The following AMOTL1 variants were observed in gnomAD, a reference collection of about 807,000 sequenced individuals.
The protein encoded by AMOTL1 is angiomotin-like protein 1.
Under a neutral mutation model 102.9 loss-of-function variants are expected in AMOTL1, and 45 were observed. The ratio of observed to expected loss-of-function variants is 0.44; its 90% CI spans 0.34 to 0.56. The LOEUF is 0.56. Among genes scored for constraint, AMOTL1 ranks in the 20% least tolerant of loss-of-function variants. AMOTL1 has a pLI of 0.01. For synonymous variants in AMOTL1, 481 were observed against 484.7 expected (o/e 0.99, Z 0.10); for missense variants, 1,114 against 1,225.6 (o/e 0.91, Z 1.36).
intron 3 of AMOTL1, among the ~76,000 whole-genome samples, chr11:94,743,612 C>A (rs1487385772): frequency 1.2e-4 from 17 of 144,580 alleles, no homozygotes; most frequent in Non-Finnish European, 4.5e-5. Context: ...AGAAGCAGAG[C>A]AAAGTTAAAA....
intron 6 of AMOTL1, among the ~76,000 whole-genome samples, chr11:94,839,547 G>T (rs565819245): frequency 5.3e-5 from 8 of 152,274 alleles, no homozygotes; most frequent in African/African-American, 1.9e-4. Flanking sequence ...CATCTCCTAC[G>T]TACCAGGTGA....
upstream of AMOTL1, among the ~76,000 whole-genome samples, chr11:94,763,570 G>C (rs1950820795): frequency 6.6e-6 from 1 of 152,132 alleles, no homozygotes; most frequent in Admixed American, 6.5e-5. Context: ...ACTGCTAATA[G>C]CCTACTGTTG....
At position 94,874,895 on chromosome 11, in the gene AMOTL1, A is replaced by G. The variant is rs1444513123; in HGVS notation, c.*4100A>G. On this transcript the variant is annotated 3_prime_UTR_variant, in exon 13 of 13. Transcript: ENST00000433060. ...GTGTTTTTCAAAACCAGGGTTCAAA[A>G]CCAGTGTCCACGCTGGAGTAAGTGG... The G allele has an allele frequency of 6.6e-6, 1 of 152,104 alleles. No homozygotes were observed. Among genetic ancestry groups the G allele is most frequent in the Non-Finnish European group, 1.5e-5 (1 of 67,994 alleles). The allele number at this position is 152,104 out of a possible 1,614,324, so 9.4% of individuals were successfully genotyped here.
intron 4 of AMOTL1, among the ~76,000 whole-genome samples, chr11:94,824,748 T>C (rs577562513): frequency 6.6e-6 from 1 of 152,344 alleles, no homozygotes; most frequent in East Asian, 1.9e-4. Flanking sequence ...ATGTGACCCC[T>C]GTTTTGCTGT....
At chr11:94,718,778 T>C (rs1452895244) in intron 1 of AMOTL1, among the ~76,000 whole-genome samples, 3 of 151,982 alleles carry the variant, frequency 2.0e-5, no homozygotes, top group Non-Finnish European at 4.4e-5. Context: ...TAGAAACATT[T>C]TTCAATATGG....
chr11:94,736,005 C>A (rs1254506587), intron 2 of AMOTL1, among the ~76,000 whole-genome samples: 1 of 152,134 alleles, frequency 6.6e-6, no homozygotes, highest in Non-Finnish European at 1.5e-5. Context: ...CATTAGACAC[C>A]AGGCCCCTGT....
At chr11:94,805,593 C>T (rs982410044) in intron 3 of AMOTL1, among the ~76,000 whole-genome samples, 14 of 152,228 alleles carry the variant, frequency 9.2e-5, no homozygotes, top group African/African-American at 3.1e-4. Flanking sequence ...GGCTCTGTTT[C>T]TACTCTCTCA....
chr11:94,707,762 C>T (rs1949954358), intron 1 of AMOTL1, among the ~76,000 whole-genome samples: 1 of 152,154 alleles, frequency 6.6e-6, no homozygotes, highest in African/African-American at 2.4e-5. Flanking sequence ...TTCTGGATTT[C>T]ACCCTAAACA....
chr11:94,798,046 C>G (rs1029126339), intron 2 of AMOTL1, among the ~76,000 whole-genome samples: 1 of 152,104 alleles, frequency 6.6e-6, no homozygotes, highest in African/African-American at 2.4e-5. Flanking sequence ...GATAAGGAGG[C>G]TGTTGGAATG....
At chr11:94,783,916 T>A (rs1431695572) in intron 1 of AMOTL1, among the ~76,000 whole-genome samples, 1 of 152,108 alleles carries the variant, frequency 6.6e-6, no homozygotes, top group Non-Finnish European at 1.5e-5. Context: ...CTATCACATG[T>A]ATCTGTTTTG....
intron 11 of AMOTL1, 41 bp from the exon 12 acceptor site, chr11:94,869,157 A>G: frequency 4.0e-6 from 6 of 1,510,400 alleles, no homozygotes; most frequent in Non-Finnish European, 3.5e-6. Context: ...AAAAAAAAAA[A>G]GGAAAAAAAG....
intron 3 of AMOTL1, among the ~76,000 whole-genome samples, chr11:94,818,207 G>A (rs1951797515): frequency 6.6e-6 from 1 of 152,186 alleles, no homozygotes; most frequent in South Asian, 2.1e-4. Context: ...AAGGAATTGA[G>A]GTTGACTTGT....
chr11:94,856,703 G>T (rs566643917), intron 8 of AMOTL1, among the ~76,000 whole-genome samples: 1 of 152,310 alleles, frequency 6.6e-6, no homozygotes, highest in South Asian at 2.1e-4. Context: ...TTATCTGACA[G>T]CTTTAGAAAG....
At chr11:94,734,517 C>T (rs1412683726) in intron 2 of AMOTL1, among the ~76,000 whole-genome samples, 1 of 152,220 alleles carries the variant, frequency 6.6e-6, no homozygotes, top group Non-Finnish European at 1.5e-5. Flanking sequence ...TGAAACCTTA[C>T]TGATAGGCAT....
intron 3 of AMOTL1, among the ~76,000 whole-genome samples, chr11:94,807,114 G>T (rs1266693342): frequency 6.6e-6 from 1 of 152,010 alleles, no homozygotes; most frequent in African/African-American, 2.4e-5. Context: ...CATATTCATT[G>T]CACAAAATTT....
intron 7 of AMOTL1, among the ~76,000 whole-genome samples, chr11:94,853,084 A>G (rs906763135): frequency 6.6e-6 from 1 of 152,204 alleles, no homozygotes; most frequent in Admixed American, 6.5e-5. Flanking sequence ...ATTATAGAAT[A>G]AGCATTTCTT....
Position 94,865,932 on chromosome 11 carries a change from T to C in AMOTL1, c.2262-10T>C, listed in dbSNP as rs764974068. ...GCTTTTTATGGAGACTGTTTTGTTTTGTTTTACAGTATTAAAAATCTCCAT... is the reference window on the plus strand; with the variant it reads ...GCTTTTTATGGAGACTGTTTTGTTTCGTTTTACAGTATTAAAAATCTCCAT... On this transcript the variant is annotated splice_polypyrimidine_tract_variant and intron_variant, in intron 10 of 12. Transcript: ENST00000433060. The C allele has an allele frequency of 1.2e-6, 2 of 1,609,368 alleles. No individual in the cohort carries two copies. Among genetic ancestry groups the C allele is most frequent in the South Asian group, 1.1e-5 (1 of 90,106 alleles).
Position 94,813,774 on chromosome 11 carries a change from TG to T in AMOTL1, c.1122-7754del, listed in dbSNP as rs1369427322. 3.3e-5 allele frequency among the ~76,000 whole-genome samples: 5 copies of T among 152,230 alleles called. No individual in the cohort carries two copies. The South Asian group carries it at 6.2e-4, about 19-fold the overall frequency. On this transcript the variant is annotated intron_variant, in intron 3 of 12. Transcript: ENST00000433060. ...AGGTCACAGGAGCTTCGATCAGGAA[TG>T]GACCCAAAACACTACACATCTGTCA...
At chr11:94,839,083 C>T (rs567653823) in intron 6 of AMOTL1, among the ~76,000 whole-genome samples, 43 of 152,338 alleles carry the variant, frequency 2.8e-4, no homozygotes, top group Middle Eastern at 3.4e-3. Context: ...ATGCCTGTGT[C>T]TTCAGAACCA....
Sources: gnomAD v4.1 joint callset for allele counts (sites outside exome capture counted in the v4.1 genomes callset) on GRCh38, gnomAD v4.1.1 for gene constraint, MANE v1.5 for transcripts, NCBI Gene and HGNC (gene_info 2026-07-23, HGNC 2026-07-21) for gene names.